The following KLHL29 variants were observed in gnomAD, a reference collection of about 807,000 sequenced individuals.
The protein encoded by KLHL29 is kelch-like protein 29.
A neutral mutation model predicts 80.4 loss-of-function variants in KLHL29; 21 were observed. The ratio of observed to expected loss-of-function variants is 0.26; its 90% CI spans 0.19 to 0.38. The LOEUF (loss-of-function observed/expected upper bound fraction) is 0.38, where lower values mean the gene tolerates loss of function less well. Ranked by LOEUF, KLHL29 falls within the 10% of genes least tolerant of loss-of-function variation. The probability of loss-of-function intolerance (pLI) is 1.00; values close to 1 mark genes in which losing one functional copy is unlikely to be tolerated. For synonymous variants in KLHL29, 511 were observed against 526.8 expected, an observed-to-expected ratio of 0.97 and a Z score of 0.41; for missense variants, 867 against 1,223.9, an observed-to-expected ratio of 0.71 and a Z score of 4.35.
At chr2:23,614,906 G>A (rs1483610737) in intron 3 of KLHL29, among the ~76,000 whole-genome samples, 1 of 152,208 alleles carries the variant, frequency 6.6e-6, no homozygotes, top group Non-Finnish European at 1.5e-5. Flanking sequence ...GGCGCCCTGG[G>A]CCCTGGGCAT....
At chr2:23,702,389 A>T (rs879598565) in intron 11 of KLHL29, among the ~76,000 whole-genome samples, 1 of 152,210 alleles carries the variant, frequency 6.6e-6, no homozygotes, top group Admixed American at 6.5e-5. Flanking sequence ...TATCTCATGG[A>T]TTTTATTGAA....
intron 1 of KLHL29, among the ~76,000 whole-genome samples, chr2:23,438,240 A>G (rs1035330614): frequency 6.6e-6 from 1 of 151,912 alleles, no homozygotes; most frequent in African/African-American, 2.4e-5. Context: ...TAGATATACA[A>G]TCATGGCGTC....
chr2:23,675,778 G>A (rs941943557), intron 5 of KLHL29, among the ~76,000 whole-genome samples: 2 of 152,190 alleles, frequency 1.3e-5, no homozygotes, highest in Non-Finnish European at 1.5e-5. Context: ...GGTTATCGCC[G>A]TTATTAGCAC....
Position 23,693,397 on chromosome 2 carries a change from G to C in KLHL29, c.1411G>C (p.Glu471Gln), listed in dbSNP as rs1671746561. ...CTTCCCCGAGGTGGCCGCCCAGGAG[G>C]AGATCCTCAGCATCTCCAAGGACGA... ...QIFPEVAAQE[E>Q]ILSISKDDFI... Residue 471 changes from glutamate (E) to glutamine (Q), a missense_variant, in exon 8 of 14, where the codon GAG becomes CAG. Transcript: ENST00000486442. 1 of 1,551,740 alleles carries C rather than the reference G, an allele frequency of 6.4e-7. No individual in the cohort carries two copies. Among genetic ancestry groups the C allele is most frequent in the African/African-American group, 1.4e-5 (1 of 73,168 alleles).
chr2:23,525,870 C>A (rs1666298842), intron 2 of KLHL29, among the ~76,000 whole-genome samples: 1 of 152,170 alleles, frequency 6.6e-6, no homozygotes, highest in Non-Finnish European at 1.5e-5. Flanking sequence ...GCCCCAGGCC[C>A]CACCTGTCCT....
chr2:23,653,137 G>A lies in KLHL29; in HGVS notation c.940+10287G>A, dbSNP rs901197532. On this transcript the variant is annotated intron_variant, in intron 5 of 13. Transcript: ENST00000486442. ...CCGTTCAAACCCTTCTGCCTCCCTC[G>A]TTTACCACCATAGTGAATGTCAGAG... 6.2e-4 allele frequency among the ~76,000 whole-genome samples: 94 copies of A among 152,034 alleles called. 2 individuals are homozygous for A. Among genetic ancestry groups the A allele is most frequent in the African/African-American group, 1.9e-3 (78 of 41,370 alleles).
intron 2 of KLHL29, among the ~76,000 whole-genome samples, chr2:23,536,809 C>T (rs189590517): frequency 1.3e-5 from 2 of 151,778 alleles, no homozygotes; most frequent in African/African-American, 4.8e-5. Flanking sequence ...AGGTACCATG[C>T]CTATAGTAAA....
intron 3 of KLHL29, among the ~76,000 whole-genome samples, chr2:23,631,491 A>T (rs1020567246): frequency 6.6e-6 from 1 of 152,208 alleles, no homozygotes; most frequent in Non-Finnish European, 1.5e-5. Flanking sequence ...GGTTAGTATT[A>T]TTAGAAATTT....
Position 23,700,016 on chromosome 2 carries a change from C to T in KLHL29, c.2106-3170C>T, listed in dbSNP as rs948916277. On this transcript the variant is annotated intron_variant, in intron 11 of 13. Transcript: ENST00000486442. This position sits in a 1 kb window ranked among gnomAD's most constrained non-coding sequence, Gnocchi z 4.6. ...TCATTCCTACAAATACAGCTACACT[C>T]GTGCCATCCTTGACTTCCTCTCTCC... 6.6e-6 allele frequency among the ~76,000 whole-genome samples: 1 copy of T among 152,236 alleles called. No individual in the cohort carries two copies. Among genetic ancestry groups the T allele is most frequent in the Non-Finnish European group, 1.5e-5 (1 of 68,040 alleles).
At chr2:23,518,427 G>A (rs892418202) in intron 2 of KLHL29, among the ~76,000 whole-genome samples, 1 of 152,314 alleles carries the variant, frequency 6.6e-6, no homozygotes, top group East Asian at 1.9e-4. Flanking sequence ...TGCAAAGAGA[G>A]GGGGGATCTT....
chr2:23,432,750 G>A (rs1344787332), intron 1 of KLHL29, among the ~76,000 whole-genome samples: 1 of 152,366 alleles, frequency 6.6e-6, no homozygotes, highest in African/African-American at 2.4e-5. Context: ...GAGGCAGGAG[G>A]GGCTGGTGCC....
intron 3 of KLHL29, among the ~76,000 whole-genome samples, chr2:23,621,066 T>C (rs1055178383): frequency 3.3e-5 from 5 of 152,252 alleles, no homozygotes; most frequent in African/African-American, 1.2e-4. Flanking sequence ...AGGAACATCC[T>C]TGGCCGGGGG....
chr2:23,459,548 G>A (rs944780410), intron 1 of KLHL29, among the ~76,000 whole-genome samples: 1 of 152,206 alleles, frequency 6.6e-6, no homozygotes, highest in African/African-American at 2.4e-5. Context: ...GACCAATGAA[G>A]CAGGATTAAA....
At chr2:23,662,020 C>T (rs376893946) in intron 5 of KLHL29, among the ~76,000 whole-genome samples, 1 of 152,296 alleles carries the variant, frequency 6.6e-6, no homozygotes, top group South Asian at 2.1e-4. Context: ...TGAATAGCTC[C>T]AGCTGAAAGG....
intron 3 of KLHL29, among the ~76,000 whole-genome samples, chr2:23,631,048 C>G (rs796842019): frequency 5.3e-5 from 8 of 152,316 alleles, no homozygotes; most frequent in African/African-American, 1.9e-4. Flanking sequence ...ACAGATGACC[C>G]TTGGGGCTGG....
chr2:23,387,129 T>G (rs1402072005), intron 1 of KLHL29, among the ~76,000 whole-genome samples: 1 of 152,278 alleles, frequency 6.6e-6, no homozygotes, highest in African/African-American at 2.4e-5. Flanking sequence ...GGGCGAATCG[T>G]GGACGCAGGT....
intron 3 of KLHL29, among the ~76,000 whole-genome samples, chr2:23,624,407 A>G (rs955055453): frequency 6.6e-6 from 1 of 152,042 alleles, no homozygotes; most frequent in African/African-American, 2.4e-5. Context: ...TCCCAATCCC[A>G]TGCTGATATC....
chr2:23,687,984 C>T (rs1485769476), intron 6 of KLHL29, among the ~76,000 whole-genome samples: 5 of 152,228 alleles, frequency 3.3e-5, no homozygotes, highest in Middle Eastern at 3.4e-3. Context: ...CTTGGCTGCC[C>T]CCCATGGCCA....
intron 2 of KLHL29, among the ~76,000 whole-genome samples, chr2:23,537,415 A>G (rs1238370798): frequency 9.7e-6 from 1 of 102,786 alleles, no homozygotes; most frequent in Admixed American, 9.9e-5. Flanking sequence ...GTGGGCAGAA[A>G]CTACACACAC....
Sources: allele counts gnomAD v4.1 joint callset (sites outside exome capture counted in the v4.1 genomes callset), GRCh38; gene constraint gnomAD v4.1.1; non-coding constraint Gnocchi (gnomAD v3.1); transcripts MANE v1.5; gene names NCBI Gene and HGNC (gene_info 2026-07-23, HGNC 2026-07-21).